Variants in MICAL3 observed in about 807,000 individuals in gnomAD.
The protein encoded by MICAL3 is [F-actin]-monooxygenase MICAL3.
A neutral mutation model predicts 207.4 loss-of-function variants in MICAL3; 62 were observed. The ratio of observed to expected loss-of-function variants is 0.30; its 90% CI spans 0.24 to 0.37. The LOEUF is 0.37. Ranked by LOEUF, MICAL3 falls within the 10% of genes least tolerant of loss-of-function variation. MICAL3 has a pLI of 1.00. For synonymous variants in MICAL3, 1,077 were observed against 1,069.3 expected (o/e 1.01, Z -0.14); for missense variants, 2,368 against 2,635.6 (o/e 0.90, Z 2.22).
intron 7 of MICAL3, 111 bp from the exon 8 acceptor site, chr22:17,897,092 G>A (rs1167118470): frequency 1.4e-5 from 18 of 1,251,074 alleles, no homozygotes; most frequent in African/African-American, 6.0e-5. Context: ...GTGACTCCAC[G>A]TTCCAAAACC....
At chr22:17,864,758 A>C (rs1926892652) in intron 19 of MICAL3, 141 bp downstream of exon 19, 1 of 1,613,838 alleles carries the variant, frequency 6.2e-7, no homozygotes, top group African/African-American at 1.3e-5. Flanking sequence ...TGGCACATGA[A>C]AAAGGAGTCC....
At chr22:17,899,417 G>T in intron 7 of MICAL3, 31 bp downstream of exon 7, 1 of 1,391,450 alleles carries the variant, frequency 7.2e-7, no homozygotes, top group South Asian at 1.2e-5. Context: ...ACTTCAATAA[G>T]AAAGAGTTTT....
At chr22:17,801,916 C>G (rs1266025380) in intron 29 of MICAL3, among the ~76,000 whole-genome samples, 1 of 151,856 alleles carries the variant, frequency 6.6e-6, no homozygotes, top group Non-Finnish European at 1.5e-5. Flanking sequence ...CAAACAACAA[C>G]AACAACAACA....
intron 19 of MICAL3, among the ~76,000 whole-genome samples, chr22:17,850,879 T>C (rs967125931): frequency 1.3e-5 from 2 of 152,154 alleles, no homozygotes; most frequent in African/African-American, 4.8e-5. Context: ...AACTCACCAG[T>C]GTGTCATGCG....
At chr22:17,827,287 G>A (rs996855698) in intron 22 of MICAL3, among the ~76,000 whole-genome samples, 1 of 151,968 alleles carries the variant, frequency 6.6e-6, no homozygotes, top group African/African-American at 2.4e-5. Flanking sequence ...ACACATTCAC[G>A]TCCAGACACA....
At chr22:17,863,967 C>G (rs566778464) in intron 19 of MICAL3, 1 of 985,486 alleles carries the variant, frequency 1.0e-6, no homozygotes, top group South Asian at 4.7e-5. Flanking sequence ...GACAGAAACA[C>G]AGCCCTGCTG....
At chr22:17,976,589 A>ATTTTTTTTT (rs1195101695) in intron 1 of MICAL3, among the ~76,000 whole-genome samples, 2 of 67,110 alleles carry the variant, frequency 3.0e-5, no homozygotes, top group African/African-American at 1.3e-4. Context: ...ATATATATAT[A>ATTTTTTTTT]TTTTTTTTTT....
chr22:17,829,805 A>G (rs1453024279), intron 21 of MICAL3, among the ~76,000 whole-genome samples: 1 of 152,172 alleles, frequency 6.6e-6, no homozygotes, highest in African/African-American at 2.4e-5. Context: ...TATGCGGCAT[A>G]GATGGGGCCG....
chr22:17,877,422 A>AT (rs1265520474), intron 16 of MICAL3, among the ~76,000 whole-genome samples: 202 of 103,928 alleles, frequency 1.9e-3, no homozygotes, highest in African/African-American at 3.7e-3. Context: ...TATGGAGGTT[A>AT]GGGAGATTAT....
intron 1 of MICAL3, among the ~76,000 whole-genome samples, chr22:17,943,461 G>A (rs1933905191): frequency 1.3e-5 from 2 of 152,186 alleles, no homozygotes; most frequent in African/African-American, 4.8e-5. Flanking sequence ...ACCGCACCCT[G>A]AGCTGCATCT....
intron 29 of MICAL3, chr22:17,791,555 G>A: frequency 1.8e-6 from 1 of 546,934 alleles, no homozygotes; most frequent in Non-Finnish European, 3.3e-6. Flanking sequence ...CCCTCCCCGG[G>A]GCTGGTTTCT....
intron 1 of MICAL3, among the ~76,000 whole-genome samples, chr22:18,000,197 T>C (rs771414824): frequency 6.6e-6 from 1 of 151,468 alleles, no homozygotes; most frequent in Non-Finnish European, 1.5e-5. Flanking sequence ...TGGCCTGATA[T>C]TCAAATGTCA....
chr22:17,818,257 C>A lies in MICAL3; in HGVS notation c.4404G>T (p.Glu1468Asp), dbSNP rs1182334588. ...TGAGCTTCCTCCGCAAGGTGGCGGG[C>A]TCCTCGCCCGGGGGTGGCGGTGGGG... ...SPPPPPPPGE[E>D]PATLRRKLRE... The change falls in exon 26 of 32, where the codon GAG (glutamate) becomes GAT (aspartate). Residue 1468 changes from glutamate (E) to aspartate (D), a missense_variant. Coordinates refer to ENST00000441493, the MANE Select transcript of MICAL3 (RefSeq NM_015241.3). 2.1e-5 allele frequency: 32 copies of A among 1,521,546 alleles called. No homozygotes were observed. Among genetic ancestry groups the A allele is most frequent in the African/African-American group, 2.8e-5 (2 of 72,120 alleles). The allele number at this position is 1,521,546 out of a possible 1,614,324, so 94.3% of individuals were successfully genotyped here.
intron 22 of MICAL3, among the ~76,000 whole-genome samples, chr22:17,825,772 G>A (rs1473346491): frequency 2.0e-5 from 3 of 152,180 alleles, no homozygotes; most frequent in Non-Finnish European, 2.9e-5. Flanking sequence ...AAGGGCCGAG[G>A]CCAAGAATGT....
Position 17,856,608 on chromosome 22 carries a change from C to CTTT in MICAL3, c.2605+8288_2605+8290dup, listed in dbSNP as rs57588188. Among the ~76,000 whole-genome samples, 935 of 94,814 alleles carry CTTT rather than the reference C, an allele frequency of 9.9e-3. 8 individuals carry two copies. The highest frequency in any genetic ancestry group is 0.015 in the Middle Eastern group (2 of 134). 62.2% of individuals were successfully genotyped at this position (94,814 alleles called of 152,430 possible). ...ATGAAACTCTAGAAGAAAATGTTTA[C>CTTT]TTTTTTTTTTTTTTTTTTTTTTTTG... On this transcript the variant is annotated intron_variant, in intron 19 of 31. Coordinates refer to ENST00000441493, the MANE Select transcript of MICAL3 (RefSeq NM_015241.3).
In MICAL3 at chr22:17,841,380, C is replaced by T. The variant is rs535772546; in HGVS notation, c.2801+442G>A. On this transcript the variant is annotated intron_variant, in intron 20 of 31. Coordinates refer to ENST00000441493, the MANE Select transcript of MICAL3 (RefSeq NM_015241.3). This position sits in a 1 kb window ranked among gnomAD's most constrained non-coding sequence, Gnocchi z 4.2. Reference sequence around the variant, plus strand: ...TGCTGCATGCGGCCCCTGGGGCACACATTTTCAGTCCCTTTCTTTACCTAC... The same window carrying T: ...TGCTGCATGCGGCCCCTGGGGCACATATTTTCAGTCCCTTTCTTTACCTAC... 1 of 265,868 alleles carries T rather than the reference C, an allele frequency of 3.8e-6. No individual in the cohort carries two copies. The highest frequency in any genetic ancestry group is 7.2e-6 in the Non-Finnish European group (1 of 138,494). The allele number at this position is 265,868 out of a possible 1,614,324, so 16.5% of individuals were successfully genotyped here. A position where few individuals can be genotyped will look rare whatever the true frequency, so the allele number is the denominator to read the frequency against.
chr22:17,888,073 C>G (rs1220405388), intron 13 of MICAL3, among the ~76,000 whole-genome samples: 1 of 152,192 alleles, frequency 6.6e-6, no homozygotes, highest in Non-Finnish European at 1.5e-5. Context: ...TTAAAATAGT[C>G]ATTAATTCAT....
chr22:17,800,970 A>G (rs1010816269), intron 29 of MICAL3, among the ~76,000 whole-genome samples: 1 of 152,038 alleles, frequency 6.6e-6, no homozygotes, highest in Non-Finnish European at 1.5e-5. Context: ...GCAGTGGGGA[A>G]CGTCCCCTTC....
At chr22:18,019,344 T>G (rs4566454) in intron 1 of MICAL3, 29,342 of 156,248 alleles carry the variant, frequency 0.19, 3,279 homozygotes, top group East Asian at 0.38. Context: ...TTGGATATGG[T>G]GGGGAAAGTG....
Sources: gnomAD v4.1 joint callset for allele counts (sites outside exome capture counted in the v4.1 genomes callset) on GRCh38, gnomAD v4.1.1 for gene constraint, Gnocchi (gnomAD v3.1) non-coding constraint, MANE v1.5 for transcripts, NCBI Gene and HGNC (gene_info 2026-07-23, HGNC 2026-07-21) for gene names.